SMG6: variants seen among roughly 807,000 people sequenced by gnomAD.
SMG6 encodes telomerase-binding protein EST1A.
A neutral mutation model predicts 142.2 loss-of-function variants in SMG6; 66 were observed. The observed-to-expected ratio is 0.46, with a 90% CI of 0.38 to 0.57. SMG6 has a LOEUF of 0.57. Ranked by LOEUF, SMG6 falls within the 20% of genes least tolerant of loss-of-function variation. The probability of loss-of-function intolerance (pLI) is 0.00; values close to 1 mark genes in which losing one functional copy is unlikely to be tolerated. For synonymous variants in SMG6, 779 were observed against 702.4 expected, an observed-to-expected ratio of 1.11 and a Z score of -1.72; for missense variants, 1,793 against 1,832.0, an observed-to-expected ratio of 0.98 and a Z score of 0.39.
chr17:2,103,924 G>C (rs1445228904), intron 13 of SMG6, among the ~76,000 whole-genome samples: 1 of 151,968 alleles, frequency 6.6e-6, no homozygotes, highest in East Asian at 1.9e-4. Context: ...AAGCAGGCTT[G>C]ACTTCCAGGA....
chr17:2,152,355 G>A (rs2070852810), intron 13 of SMG6, among the ~76,000 whole-genome samples: 1 of 152,200 alleles, frequency 6.6e-6, no homozygotes, highest in African/African-American at 2.4e-5. Flanking sequence ...AAGAGAGCCT[G>A]TGAACCCTTC....
chr17:2,194,731 A>G (rs1255395474), intron 10 of SMG6, among the ~76,000 whole-genome samples: 1 of 152,024 alleles, frequency 6.6e-6, no homozygotes, highest in Non-Finnish European at 1.5e-5. Context: ...AAAGAAAGAA[A>G]CATCAAAAGA....
At chr17:2,288,902 AC>A (rs1203166804) in intron 6 of SMG6, among the ~76,000 whole-genome samples, 8 of 151,676 alleles carry the variant, frequency 5.3e-5, no homozygotes, top group East Asian at 2.0e-4. Context: ...ACACAGTGAA[AC>A]CCCGTCTCTA....
chr17:2,224,052 G>GA (rs766160718), intron 10 of SMG6, among the ~76,000 whole-genome samples: 45 of 152,132 alleles, frequency 3.0e-4, no homozygotes, highest in Middle Eastern at 3.4e-3. Context: ...TCATTATTCT[G>GA]AAAAAAAGAG....
Position 2,300,161 on chromosome 17 carries a change from C to T in SMG6, c.592G>A (p.Ala198Thr). 6.2e-7 allele frequency: 1 copy of T among 1,614,072 alleles called. No homozygotes were observed. Among genetic ancestry groups the T allele is most frequent in the South Asian group, 1.1e-5 (1 of 91,078 alleles). Residue 198 changes from alanine to threonine, a missense_variant, in exon 2 of 19, where the codon GCT becomes ACT. By Grantham distance (58) the Ala-to-Thr change is moderately conservative. Around this residue, in one of 3 missense-constraint regions of SMG6, gnomAD observed 1,597 missense variants for 1,584.6 expected, o/e 1.01. Coordinates refer to ENST00000263073, the MANE Select transcript of SMG6 (RefSeq NM_017575.5). ...KEEVANKPDR[A>T]EIEKSPGGGR... ...CCACCTGGGCTCTTTTCTATCTCAG[C>T]CCTGTCTGGTTTATTCGCAACTTCC...
chr17:2,137,776 T>C (rs145243785), intron 13 of SMG6, among the ~76,000 whole-genome samples: 1 of 152,328 alleles, frequency 6.6e-6, no homozygotes, highest in East Asian at 1.9e-4. Flanking sequence ...TGATTGGTTT[T>C]GGCACATCCC....
Position 2,130,650 on chromosome 17 carries a change from A to G in SMG6, c.3357+42008T>C, listed in dbSNP as rs371503127. ...TTTTAGAAGAAAAATATGTTGGTAT[A>G]TATTCTTTATGACCTCAGGGTATGT... On this transcript the variant is annotated intron_variant, in intron 13 of 18. Transcript: ENST00000263073. 2.2e-4 allele frequency among the ~76,000 whole-genome samples: 33 copies of G among 152,268 alleles called. 1 individual carries two copies. The East Asian group carries it at 2.9e-3, about 13-fold the overall frequency.
At position 2,069,840 on chromosome 17, in the gene SMG6, C is replaced by T. The variant is rs144646126; in HGVS notation, c.3682-909G>A. On this transcript the variant is annotated intron_variant, in intron 15 of 18. Coordinates refer to ENST00000263073, the MANE Select transcript of SMG6 (RefSeq NM_017575.5). ...CTAAACACGGGTCTTTTCTGTTCTA[C>T]CTCTGCTCCTTTGCCACGAATCTGT... is the stretch of plus-strand genomic sequence containing the variant. Among the ~76,000 whole-genome samples, 564 of 152,296 alleles carry T rather than the reference C, an allele frequency of 3.7e-3. 5 individuals are homozygous for T. The highest frequency in any genetic ancestry group is 0.011 in the African/African-American group (463 of 41,542).
intron 12 of SMG6, among the ~76,000 whole-genome samples, chr17:2,174,010 A>T (rs1220194922): frequency 6.6e-6 from 1 of 152,150 alleles, no homozygotes; most frequent in Admixed American, 6.5e-5. Context: ...TTTTACTCTA[A>T]AAGAAGAGAG....
chr17:2,252,203 A>C (rs1456070759), intron 8 of SMG6, among the ~76,000 whole-genome samples: 1 of 152,132 alleles, frequency 6.6e-6, no homozygotes, highest in African/African-American at 2.4e-5. Flanking sequence ...CACGAGGTCA[A>C]GAGATCGAGC....
intron 13 of SMG6, among the ~76,000 whole-genome samples, chr17:2,143,028 C>T (rs1045200685): frequency 5.3e-5 from 8 of 151,974 alleles, no homozygotes; most frequent in African/African-American, 1.9e-4. Flanking sequence ...AACTGAGATA[C>T]CACTTCACAC....
chr17:2,266,799 A>G (rs987941207), intron 8 of SMG6, among the ~76,000 whole-genome samples: 33 of 152,312 alleles, frequency 2.2e-4, no homozygotes, highest in Admixed American at 2.2e-3. Flanking sequence ...ACTTGCACTC[A>G]CTACCAACCA....
intron 13 of SMG6, among the ~76,000 whole-genome samples, chr17:2,148,983 C>T (rs1010728814): frequency 3.9e-5 from 6 of 151,968 alleles, no homozygotes; most frequent in African/African-American, 1.5e-4. Context: ...TGAAAAAGCT[C>T]TAGAGATGGT....
At chr17:2,259,535 G>C (rs1457709522) in intron 8 of SMG6, among the ~76,000 whole-genome samples, 1 of 151,880 alleles carries the variant, frequency 6.6e-6, no homozygotes, top group African/African-American at 2.4e-5. Context: ...AAATTAGCCA[G>C]CTATGGTGGC....
chr17:2,230,186 C>CAAAAAAAAAAAAAAAAA (rs1184138967), intron 10 of SMG6, among the ~76,000 whole-genome samples: 1 of 8,190 alleles, frequency 1.2e-4, no homozygotes, highest in African/African-American at 4.5e-4. Flanking sequence ...ACTCCGTCTC[C>CAAAAAAAAAAAAAAAAA]AAAAAAAAAA....
intron 18 of SMG6, among the ~76,000 whole-genome samples, chr17:2,064,867 T>C (rs2067892544): frequency 6.6e-6 from 1 of 151,448 alleles, no homozygotes; most frequent in South Asian, 2.1e-4. Context: ...GGCTCATCTC[T>C]AGTTGGCCCA....
intron 10 of SMG6, among the ~76,000 whole-genome samples, chr17:2,194,116 TG>T (rs1412715481): frequency 1.3e-5 from 2 of 152,180 alleles, no homozygotes; most frequent in African/African-American, 4.8e-5. Flanking sequence ...TAAGGTGGGC[TG>T]GAAGAGATGA....
At chr17:2,271,874 C>A (rs2074549141) in intron 8 of SMG6, among the ~76,000 whole-genome samples, 1 of 152,146 alleles carries the variant, frequency 6.6e-6, no homozygotes. Context: ...AGTGCATTGT[C>A]TAAAAGAATA....
intron 13 of SMG6, among the ~76,000 whole-genome samples, chr17:2,097,593 C>G (rs953485437): frequency 3.3e-5 from 5 of 152,116 alleles, no homozygotes; most frequent in Non-Finnish European, 7.4e-5. Context: ...CTTTTAAACC[C>G]AGATCTGCCT....
Sources: gnomAD v4.1 joint callset for allele counts (sites outside exome capture counted in the v4.1 genomes callset) on GRCh38, gnomAD v4.1.1 for gene constraint, gnomAD v4.1.1 regional missense constraint, MANE v1.5 for transcripts, NCBI Gene and HGNC (gene_info 2026-07-23, HGNC 2026-07-21) for gene names.